Variants in SLBP observed in about 807,000 individuals in gnomAD.
The protein encoded by SLBP is histone RNA hairpin-binding protein.
A neutral mutation model predicts 39.2 loss-of-function variants in SLBP; 29 were observed. That is an observed-to-expected ratio of 0.74 (90% CI 0.55 to 1.01). SLBP has a LOEUF of 1.01. Among genes scored for constraint, SLBP ranks in the 50% least tolerant of loss-of-function variants. The pLI is 0.00. For synonymous variants in SLBP, 129 were observed against 118.7 expected (o/e 1.09, Z -0.57); for missense variants, 390 against 350.2 (o/e 1.11, Z -0.91).
At chr4:1,709,048 C>T (rs572488159) in intron 2 of SLBP, among the ~76,000 whole-genome samples, 2 of 151,804 alleles carry the variant, frequency 1.3e-5, no homozygotes, top group African/African-American at 4.8e-5. Context: ...TGTACCCACC[C>T]GTAGACCCAA....
chr4:1,693,377 T>C lies in SLBP; in HGVS notation c.*220A>G, dbSNP rs1306118727. On this transcript the variant is annotated 3_prime_UTR_variant, in exon 8 of 8. Coordinates refer to ENST00000489418, the MANE Select transcript of SLBP (RefSeq NM_006527.4). ...CTGGAAGAGAGCTTCAAGTACTTTC[T>C]TGGACTTAGCTCCATTTACAATTTA... is the stretch of plus-strand genomic sequence containing the variant. 4.3e-6 allele frequency: 2 copies of C among 464,818 alleles called. No homozygotes were observed. Among genetic ancestry groups the C allele is most frequent in the Non-Finnish European group, 7.8e-6 (2 of 256,454 alleles). 28.8% of individuals were successfully genotyped at this position (464,818 alleles called of 1,614,324 possible). A position where few individuals can be genotyped will look rare whatever the true frequency, so the allele number is the denominator to read the frequency against.
intron 2 of SLBP, among the ~76,000 whole-genome samples, chr4:1,704,755 C>T (rs1485493667): frequency 2.6e-5 from 4 of 152,098 alleles, no homozygotes; most frequent in Admixed American, 2.0e-4. Flanking sequence ...AAGCCTGTAT[C>T]CATATAATAA....
chr4:1,693,028 A>G lies in SLBP; in HGVS notation c.*569T>C, dbSNP rs944463079. The G allele has an allele frequency of 6.5e-6, 1 of 153,712 alleles. No individual in the cohort carries two copies. Among genetic ancestry groups the G allele is most frequent in the African/African-American group, 2.4e-5 (1 of 41,466 alleles). The allele number at this position is 153,712 out of a possible 1,614,324, so 9.5% of individuals were successfully genotyped here. On this transcript the variant is annotated 3_prime_UTR_variant, in exon 8 of 8. Coordinates refer to ENST00000489418, the MANE Select transcript of SLBP (RefSeq NM_006527.4). ...TATTCTAAAGAGTCTAACTAGTGCT[A>G]TTTACAAGTACCAAATTAAGACCAT...
Position 1,703,718 on chromosome 4 carries a change from T to C in SLBP, c.177-18A>G, listed in dbSNP as rs566930816. ...TGGTAAAGCTGCAATAAAAGGAAAA[T>C]GCTACTGAACCATGACACATACTTT... On this transcript the variant is annotated intron_variant, in intron 2 of 7. Coordinates refer to ENST00000489418, the MANE Select transcript of SLBP (RefSeq NM_006527.4). The C allele has an allele frequency of 1.5e-4, 222 of 1,498,260 alleles. No individual in the cohort carries two copies. The highest frequency in any genetic ancestry group is 2.0e-4 in the Non-Finnish European group (217 of 1,074,294). The allele number at this position is 1,498,260 out of a possible 1,614,324, so 92.8% of individuals were successfully genotyped here. A position where few individuals can be genotyped will look rare whatever the true frequency, so the allele number is the denominator to read the frequency against.
chr4:1,711,598 A>G (rs1412614735), intron 2 of SLBP, among the ~76,000 whole-genome samples: 1 of 151,852 alleles, frequency 6.6e-6, no homozygotes, highest in Non-Finnish European at 1.5e-5. Context: ...AGAGACCCTG[A>G]CCTCTCCCGG....
At chr4:1,700,228 G>GCGACCAC in intron 3 of SLBP, 158 bp from the exon 4 acceptor site, 1 of 433,372 alleles carries the variant, frequency 2.3e-6, no homozygotes, top group Non-Finnish European at 4.1e-6. Context: ...AGTTTAAGTA[G>GCGACCAC]TGAGATCCAC....
Position 1,693,422 on chromosome 4 carries a change from A to C in SLBP, c.*175T>G. The C allele has an allele frequency of 1.7e-6, 1 of 577,452 alleles. No individual in the cohort carries two copies. Among genetic ancestry groups the C allele is most frequent in the Non-Finnish European group, 3.1e-6 (1 of 321,914 alleles). 35.8% of individuals were successfully genotyped at this position (577,452 alleles called of 1,614,324 possible). On this transcript the variant is annotated 3_prime_UTR_variant, in exon 8 of 8. Coordinates refer to ENST00000489418, the MANE Select transcript of SLBP (RefSeq NM_006527.4). The stretch of plus-strand genomic sequence containing the variant: ...AATTTAAAACATGCAAAATATACTC[A>C]CTATACATAAAATTAATGTTTCTTA...
intron 2 of SLBP, among the ~76,000 whole-genome samples, chr4:1,708,990 A>G (rs1442710964): frequency 2.0e-5 from 3 of 152,160 alleles, no homozygotes; most frequent in Admixed American, 1.3e-4. Context: ...GCTTGATCTC[A>G]ATAAGGTTTG....
intron 6 of SLBP, among the ~76,000 whole-genome samples, chr4:1,695,776 A>G (rs1716083576): frequency 1.3e-5 from 2 of 148,938 alleles, no homozygotes; most frequent in African/African-American, 4.9e-5. Flanking sequence ...GCATCTCCCA[A>G]AAAAAAAAAG....
At chr4:1,711,421 G>C (rs943441585) in intron 2 of SLBP, among the ~76,000 whole-genome samples, 3 of 151,984 alleles carry the variant, frequency 2.0e-5, no homozygotes, top group Non-Finnish European at 4.4e-5. Context: ...ATTTCCTCCA[G>C]ACCCTCCTCG....
At chr4:1,699,005 G>C (rs1716227572) in intron 5 of SLBP, among the ~76,000 whole-genome samples, 1 of 151,122 alleles carries the variant, frequency 6.6e-6, no homozygotes, top group African/African-American at 2.4e-5. Context: ...GCCCAGGCTA[G>C]TCTCCTGGCC....
At chr4:1,708,382 T>G (rs752453239) in intron 2 of SLBP, among the ~76,000 whole-genome samples, 2 of 152,380 alleles carry the variant, frequency 1.3e-5, no homozygotes, top group Middle Eastern at 6.8e-3. Flanking sequence ...TATCATTTCT[T>G]CCCTTACAGT....
intron 2 of SLBP, 65 bp downstream of exon 2, chr4:1,711,809 G>A (rs988822213): frequency 2.3e-6 from 2 of 856,362 alleles, no homozygotes; most frequent in Non-Finnish European, 3.2e-6. Flanking sequence ...GCGCGACGAG[G>A]TCCCTGGAGC....
chr4:1,706,540 T>A (rs1716523624), intron 2 of SLBP, among the ~76,000 whole-genome samples: 1 of 152,152 alleles, frequency 6.6e-6, no homozygotes, highest in South Asian at 2.1e-4. Flanking sequence ...AGGCAGTGGC[T>A]CACTCCTGTA....
chr4:1,705,430 G>A (rs933468161), intron 2 of SLBP, among the ~76,000 whole-genome samples: 1 of 152,216 alleles, frequency 6.6e-6, no homozygotes, highest in South Asian at 2.1e-4. Flanking sequence ...CCCACCCCAG[G>A]AGTGTTTGGA....
intron 2 of SLBP, among the ~76,000 whole-genome samples, chr4:1,705,519 CTGTCTT>C: frequency 6.6e-6 from 1 of 152,156 alleles, no homozygotes; most frequent in African/African-American, 2.4e-5. Context: ...TATCATGGGA[CTGTCTT>C]TAGTTCTGAA....
At chr4:1,705,298 T>C (rs1716476874) in intron 2 of SLBP, among the ~76,000 whole-genome samples, 1 of 152,206 alleles carries the variant, frequency 6.6e-6, no homozygotes, top group Admixed American at 6.5e-5. Context: ...TTCTCATTCA[T>C]GATGAGATTA....
chr4:1,696,448 AAAT>A, intron 5 of SLBP, 97 bp from the exon 6 acceptor site: 1 of 1,112,206 alleles, frequency 9.0e-7, no homozygotes, highest in South Asian at 2.0e-5. Context: ...GTATTATTTT[AAAT>A]ATTACAGATC....
rs374942151 is a variant in SLBP, at chr4:1,694,818, C to G, written c.652G>C (p.Ala218Pro). The G allele has an allele frequency of 5.6e-6, 9 of 1,613,362 alleles. No homozygotes were observed. Among genetic ancestry groups the G allele is most frequent in the Non-Finnish European group, 6.8e-6 (8 of 1,179,384 alleles). ...GTCTGGGGCTCGGAGCTGCTTTCTG[C>G]AGATTCAAGGTCTACAGGGTGTCTG... is the stretch of plus-strand genomic sequence containing the variant. ...QEIHPVDLESAESSSEPQTSS... is the reference protein window; with the variant it reads ...QEIHPVDLESPESSSEPQTSS... Residue 218 changes from alanine (A) to proline (P), a missense_variant, in exon 7 of 8, where the codon GCA becomes CCA. By Grantham distance (27) the Ala-to-Pro change is conservative. Coordinates refer to ENST00000489418, the MANE Select transcript of SLBP (RefSeq NM_006527.4).
Sources: gnomAD v4.1 joint callset for allele counts (sites outside exome capture counted in the v4.1 genomes callset) on GRCh38, gnomAD v4.1.1 for gene constraint, MANE v1.5 for transcripts, NCBI Gene and HGNC (gene_info 2026-07-23, HGNC 2026-07-21) for gene names.